GALNT13: variants seen among roughly 807,000 people sequenced by gnomAD.
GALNT13 encodes the protein polypeptide N-acetylgalactosaminyltransferase 13, also known as UDP-GalNAc:polypeptide N-acetylgalactosaminyltransferase 13.
In GALNT13, 28 loss-of-function variants were observed where a neutral mutation model predicts 64.2. That is an observed-to-expected ratio of 0.44 (90% CI 0.32 to 0.60). The LOEUF (loss-of-function observed/expected upper bound fraction) is 0.60. Among genes scored for constraint, GALNT13 ranks in the 20% least tolerant of loss-of-function variants. The pLI is 0.05. For missense variants in GALNT13, 577 were observed against 669.8 expected, an observed-to-expected ratio of 0.86 and a Z score of 1.53; for synonymous variants, 214 against 224.6, an observed-to-expected ratio of 0.95 and a Z score of 0.42.
At chr2:153,749,066 C>T in the GALNT13 span, among the ~76,000 whole-genome samples, 1 of 151,948 alleles carries the variant, frequency 6.6e-6, no homozygotes, top group Non-Finnish European at 1.5e-5. Flanking sequence ...GTTTTTATAG[C>T]ATTATTTATT....
chr2:153,135,033 T>G, the GALNT13 span, among the ~76,000 whole-genome samples: 1 of 152,104 alleles, frequency 6.6e-6, no homozygotes, highest in Non-Finnish European at 1.5e-5. Flanking sequence ...CCATAGACTG[T>G]GTGGCTTAAG....
chr2:153,288,810 G>A, the GALNT13 span, among the ~76,000 whole-genome samples: 5 of 152,104 alleles, frequency 3.3e-5, no homozygotes, highest in African/African-American at 4.8e-5. Context: ...TACTGTCTGC[G>A]GTTTCAGGCA....
At chr2:153,987,765 T>G (rs767591799) in intron 3 of GALNT13, among the ~76,000 whole-genome samples, 4 of 151,832 alleles carry the variant, frequency 2.6e-5, no homozygotes, top group Non-Finnish European at 4.4e-5. Flanking sequence ...TAACTCACCC[T>G]GAGTTGGGAG....
chr2:153,314,701 G>C, the GALNT13 span, among the ~76,000 whole-genome samples: 1 of 145,958 alleles, frequency 6.9e-6, no homozygotes, highest in Non-Finnish European at 1.5e-5. Context: ...AGAAACCACA[G>C]GGAAATAGAT....
chr2:154,416,752 G>C (rs1700025618), intron 11 of GALNT13, among the ~76,000 whole-genome samples: 3 of 152,136 alleles, frequency 2.0e-5, no homozygotes, highest in African/African-American at 7.2e-5. Flanking sequence ...CATTTGATCA[G>C]TCAGGTGTCA....
At chr2:153,227,907 G>A in the GALNT13 span, among the ~76,000 whole-genome samples, 3 of 152,190 alleles carry the variant, frequency 2.0e-5, no homozygotes, top group Non-Finnish European at 4.4e-5. Context: ...AATTTAAAAT[G>A]TTTTGTGTCT....
chr2:153,693,548 G>T, the GALNT13 span, among the ~76,000 whole-genome samples: 1 of 151,932 alleles, frequency 6.6e-6, no homozygotes. Flanking sequence ...AATGTGACTC[G>T]GGGGAAAAAC....
the GALNT13 span, among the ~76,000 whole-genome samples, chr2:153,141,344 T>C: frequency 1.3e-5 from 2 of 151,952 alleles, no homozygotes; most frequent in African/African-American, 2.4e-5. Context: ...TGTCCTTGTG[T>C]GGAACCTCTG....
At chr2:154,455,862 C>A (rs1190771301), downstream of GALNT13, among the ~76,000 whole-genome samples, 1 of 152,136 alleles carries the variant, frequency 6.6e-6, no homozygotes, top group Non-Finnish European at 1.5e-5. Context: ...AAGATAAAGA[C>A]CACTTCTGCG....
chr2:153,607,668 G>C, the GALNT13 span, among the ~76,000 whole-genome samples: 1 of 151,922 alleles, frequency 6.6e-6, no homozygotes, highest in Non-Finnish European at 1.5e-5. Context: ...TGAAGACAGA[G>C]GCTAAATTGA....
the GALNT13 span, among the ~76,000 whole-genome samples, chr2:153,467,380 A>C: frequency 2.0e-5 from 3 of 152,020 alleles, no homozygotes; most frequent in African/African-American, 7.2e-5. Flanking sequence ...CCAAAGCTGT[A>C]CGGGTGGATC....
the GALNT13 span, among the ~76,000 whole-genome samples, chr2:153,495,255 C>T: frequency 2.4e-4 from 37 of 151,908 alleles, no homozygotes; most frequent in African/African-American, 7.7e-4. Flanking sequence ...AAATGTTAGA[C>T]ATTCACCTAC....
intron 4 of GALNT13, among the ~76,000 whole-genome samples, chr2:154,224,774 G>T (rs1360786605): frequency 1.3e-5 from 2 of 151,996 alleles, no homozygotes; most frequent in African/African-American, 2.4e-5. Flanking sequence ...ACATAAATCA[G>T]CATTCTAATG....
At chr2:154,286,893 C>A (rs1405284881) in intron 8 of GALNT13, 3 of 445,842 alleles carry the variant, frequency 6.7e-6, no homozygotes, top group African/African-American at 6.0e-5. Flanking sequence ...CTGTTGCTAG[C>A]CAGTTTGCGC....
intron 4 of GALNT13, among the ~76,000 whole-genome samples, chr2:154,164,706 C>T (rs190057617): frequency 3.3e-5 from 5 of 152,084 alleles, no homozygotes; most frequent in East Asian, 3.9e-4. Flanking sequence ...GAAAACGTGA[C>T]GTGGCAGCCT....
chr2:153,398,755 C>G, the GALNT13 span, among the ~76,000 whole-genome samples: 1 of 143,272 alleles, frequency 7.0e-6, no homozygotes, highest in Non-Finnish European at 1.5e-5. Flanking sequence ...CCTTCGCCCA[C>G]TTTTTGATGG....
At chr2:153,864,881 G>A in the GALNT13 span, among the ~76,000 whole-genome samples, 4 of 146,738 alleles carry the variant, frequency 2.7e-5, no homozygotes, top group African/African-American at 1.0e-4. Flanking sequence ...AACAAAGCTG[G>A]AGGCATCACG....
intron 3 of GALNT13, among the ~76,000 whole-genome samples, chr2:154,035,271 C>T (rs959926278): frequency 6.6e-6 from 1 of 152,046 alleles, no homozygotes; most frequent in African/African-American, 2.4e-5. Flanking sequence ...AAGCATTTTA[C>T]ATTAAAATAT....
chr2:153,599,003 T>G, the GALNT13 span, among the ~76,000 whole-genome samples: 1 of 152,058 alleles, frequency 6.6e-6, no homozygotes, highest in South Asian at 2.1e-4. Context: ...ACATGTCTTT[T>G]TGAATAGTAC....
Sources: allele counts gnomAD v4.1 joint callset (sites outside exome capture counted in the v4.1 genomes callset), GRCh38; gene constraint gnomAD v4.1.1; transcripts MANE v1.5; gene names NCBI Gene and HGNC (gene_info 2026-07-23, HGNC 2026-07-21).